Variants in GTF2F2 observed in about 807,000 individuals in gnomAD.
GTF2F2 encodes general transcription factor IIF subunit 2.
Under a neutral mutation model 42.2 loss-of-function variants are expected in GTF2F2, and 23 were observed. The observed-to-expected ratio is 0.55, with a 90% CI of 0.39 to 0.77. The LOEUF (loss-of-function observed/expected upper bound fraction) is 0.77. Among genes scored for constraint, GTF2F2 ranks in the 30% least tolerant of loss-of-function variants. GTF2F2 has a pLI of 0.00. For missense variants in GTF2F2, 261 were observed against 287.2 expected, an observed-to-expected ratio of 0.91 and a Z score of 0.66; for synonymous variants, 105 against 100.8, an observed-to-expected ratio of 1.04 and a Z score of -0.25.
rs1870505184 is a variant in GTF2F2 at position 45,151,763 on chromosome 13, G to C, written c.236G>C (p.Arg79Thr). ...AAACCAGCTTCAGTCAGTGCTCCTAGAGAACATCCATTTGTCTTGCAAAGT... is the reference window on the plus strand; with the variant it reads ...AAACCAGCTTCAGTCAGTGCTCCTACAGAACATCCATTTGTCTTGCAAAGT... Reference protein sequence around the residue: ...GGKPASVSAPREHPFVLQSVG... With the variant: ...GGKPASVSAPTEHPFVLQSVG... The change falls in exon 4 of 8, where the codon AGA becomes ACA. Residue 79 changes from arginine to threonine, a missense_variant. By Grantham distance (71) the Arg-to-Thr change is moderately conservative (BLOSUM62 -1). Coordinates refer to ENST00000340473, the MANE Select transcript of GTF2F2 (RefSeq NM_004128.3). 6.3e-7 allele frequency: 1 copy of C among 1,591,390 alleles called. No individual in the cohort carries two copies. The highest frequency in any genetic ancestry group is 8.6e-7 in the Non-Finnish European group (1 of 1,163,476).
At chr13:45,145,126 A>AT (rs34789350) in intron 2 of GTF2F2, among the ~76,000 whole-genome samples, 53,643 of 152,062 alleles carry the variant, frequency 0.35, 12,981 homozygotes, top group African/African-American at 0.69. Context: ...TAATAAAAAA[A>AT]ATTCATGCCT....
chr13:45,121,624 T>A lies in GTF2F2; in HGVS notation c.66+903T>A, dbSNP rs181082159. ...AGCACTTTTCACAGTGTAGAGTGAT[T>A]TTGTGTTCATATGTTCAAAGTTGGT... On this transcript the variant is annotated intron_variant, in intron 1 of 7. Coordinates refer to ENST00000340473, the MANE Select transcript of GTF2F2 (RefSeq NM_004128.3). Among the ~76,000 whole-genome samples, 589 of 152,304 alleles carry A rather than the reference T, an allele frequency of 3.9e-3. 5 individuals carry two copies. Among genetic ancestry groups the A allele is most frequent in the African/African-American group, 0.013 (560 of 41,556 alleles).
At chr13:45,129,716 T>C (rs992498106) in intron 1 of GTF2F2, among the ~76,000 whole-genome samples, 4 of 152,244 alleles carry the variant, frequency 2.6e-5, no homozygotes, top group African/African-American at 9.6e-5. Context: ...AATTACAATA[T>C]CTGCCTATTC....
At chr13:45,279,103 G>A (rs1339886662) in intron 7 of GTF2F2, among the ~76,000 whole-genome samples, 1 of 152,028 alleles carries the variant, frequency 6.6e-6, no homozygotes, top group African/African-American at 2.4e-5. Flanking sequence ...GATTACAGGC[G>A]TGAGCCATCA....
chr13:45,226,499 T>C (rs551622549), intron 5 of GTF2F2, among the ~76,000 whole-genome samples: 80 of 152,366 alleles, frequency 5.3e-4, no homozygotes, highest in South Asian at 2.7e-3. Context: ...TCCAATCTTA[T>C]ATCAGAGACA....
intron 5 of GTF2F2, among the ~76,000 whole-genome samples, chr13:45,238,901 G>A (rs966517961): frequency 1.4e-5 from 2 of 144,808 alleles, no homozygotes; most frequent in Non-Finnish European, 3.0e-5. Flanking sequence ...CCGAGATGGC[G>A]CCATTGCACT....
At position 45,143,418 on chromosome 13, in the gene GTF2F2, G is replaced by A. The variant is rs1176424879; in HGVS notation, c.141-6352G>A. ...TCACTTACTAGCTATGTGACTTTGC[G>A]TAAATTGTTTACTCTGTTTCCTCAT... is the stretch of plus-strand genomic sequence containing the variant. On this transcript the variant is annotated intron_variant, in intron 2 of 7. Coordinates refer to ENST00000340473, the MANE Select transcript of GTF2F2 (RefSeq NM_004128.3). 4.6e-5 allele frequency among the ~76,000 whole-genome samples: 7 copies of A among 152,294 alleles called. No homozygotes were observed. In the South Asian group the frequency reaches 6.2e-4, roughly 14 times the overall value.
At chr13:45,209,885 A>T (rs1873563280) in intron 5 of GTF2F2, among the ~76,000 whole-genome samples, 1 of 152,126 alleles carries the variant, frequency 6.6e-6, no homozygotes, top group African/African-American at 2.4e-5. Context: ...GTTTAGTCTT[A>T]GTTCTTGACT....
chr13:45,174,033 C>T (rs887386126), intron 4 of GTF2F2, among the ~76,000 whole-genome samples: 14 of 152,192 alleles, frequency 9.2e-5, no homozygotes, highest in Non-Finnish European at 1.3e-4. Flanking sequence ...ATGTGAATCA[C>T]TAGCTGATTC....
intron 5 of GTF2F2, among the ~76,000 whole-genome samples, chr13:45,228,248 C>A (rs1312114144): frequency 7.2e-6 from 1 of 139,032 alleles, no homozygotes; most frequent in Non-Finnish European, 1.5e-5. Context: ...CTCTGCTTAT[C>A]CTGCCTCATT....
At chr13:45,133,045 T>A (rs1869444245) in intron 1 of GTF2F2, among the ~76,000 whole-genome samples, 1 of 151,964 alleles carries the variant, frequency 6.6e-6, no homozygotes, top group Non-Finnish European at 1.5e-5. Flanking sequence ...AATAACACAA[T>A]AAAATAAAAC....
intron 4 of GTF2F2, among the ~76,000 whole-genome samples, chr13:45,191,238 T>C (rs1016690045): frequency 1.5e-5 from 2 of 132,314 alleles, no homozygotes; most frequent in Non-Finnish European, 3.1e-5. Flanking sequence ...TATATATATA[T>C]ATATATATAT....
At chr13:45,227,067 T>C (rs1323183422) in intron 5 of GTF2F2, among the ~76,000 whole-genome samples, 1 of 150,744 alleles carries the variant, frequency 6.6e-6, no homozygotes, top group Non-Finnish European at 1.5e-5. Flanking sequence ...GCCACTACAC[T>C]CCAGCCTGGG....
chr13:45,247,431 C>T (rs1478678522), intron 5 of GTF2F2, among the ~76,000 whole-genome samples: 1 of 151,894 alleles, frequency 6.6e-6, no homozygotes, highest in Non-Finnish European at 1.5e-5. Context: ...GAGTCTCTGT[C>T]ACCCAGGCTG....
chr13:45,177,547 C>T (rs1007724067), intron 4 of GTF2F2, among the ~76,000 whole-genome samples: 1 of 152,082 alleles, frequency 6.6e-6, no homozygotes, highest in Non-Finnish European at 1.5e-5. Context: ...CCATGAGTCA[C>T]TTAGTAACTG....
At chr13:45,141,223 T>C (rs1470627562) in intron 2 of GTF2F2, among the ~76,000 whole-genome samples, 1 of 152,204 alleles carries the variant, frequency 6.6e-6, no homozygotes, top group Middle Eastern at 3.2e-3. Flanking sequence ...GAAACCCATG[T>C]AAATCTCAAG....
chr13:45,122,593 CGTT>C (rs1410774663), intron 1 of GTF2F2, among the ~76,000 whole-genome samples: 1 of 151,868 alleles, frequency 6.6e-6, no homozygotes, highest in Non-Finnish European at 1.5e-5. Flanking sequence ...GAGATTGCTC[CGTT>C]GCACTCCAGC....
In GTF2F2 at chr13:45,283,485, T is replaced by C. The variant is rs372181253; in HGVS notation, c.674T>C (p.Val225Ala). 6.2e-7 allele frequency: 1 copy of C among 1,612,246 alleles called. No homozygotes were observed. Among genetic ancestry groups the C allele is most frequent in the Non-Finnish European group, 8.5e-7 (1 of 1,178,568 alleles). The change falls in exon 8 of 8, where the codon GTA (valine) becomes GCA (alanine). Residue 225 changes from valine (V) to alanine (A), a missense_variant. By Grantham distance (64) the Val-to-Ala change is moderately conservative. Transcript: ENST00000340473. ...TTAAAAGAAATTGGTGTTCAGAATG[T>C]AAAAGGGATCCACAAAAACACATGG... ...EILKEIGVQN[V>A]KGIHKNTWEL...
At chr13:45,259,604 G>A (rs896700368) in intron 6 of GTF2F2, among the ~76,000 whole-genome samples, 1 of 145,948 alleles carries the variant, frequency 6.9e-6, no homozygotes, top group African/African-American at 2.5e-5. Context: ...GGGGTGTTCA[G>A]TAATGGTACT....
Sources: gnomAD v4.1 joint callset for allele counts (sites outside exome capture counted in the v4.1 genomes callset) on GRCh38, gnomAD v4.1.1 for gene constraint, MANE v1.5 for transcripts, NCBI Gene and HGNC (gene_info 2026-07-23, HGNC 2026-07-21) for gene names.